Variants in KCNT2 observed in about 807,000 individuals in gnomAD.
KCNT2 encodes potassium sodium-activated channel subfamily T member 2.
In KCNT2, 67 loss-of-function variants were observed where a neutral mutation model predicts 153.8. That is an observed-to-expected ratio of 0.44 (90% CI 0.36 to 0.53). The LOEUF is 0.53. Among genes scored for constraint, KCNT2 ranks in the 20% least tolerant of loss-of-function variants. The pLI, the probability that KCNT2 is intolerant of heterozygous loss-of-function variation, is 0.00. For synonymous variants in KCNT2, 500 were observed against 458.8 expected (o/e 1.09, Z -1.15); for missense variants, 975 against 1,354.8 (o/e 0.72, Z 4.40).
chr1:196,446,265 T>A (rs1290234751), intron 8 of KCNT2, among the ~76,000 whole-genome samples: 1 of 151,470 alleles, frequency 6.6e-6, no homozygotes, highest in African/African-American at 2.4e-5. Context: ...AAATATACTA[T>A]TCTCTATACT....
At chr1:196,512,225 C>T (rs1042244747) in intron 1 of KCNT2, among the ~76,000 whole-genome samples, 7 of 152,182 alleles carry the variant, frequency 4.6e-5, no homozygotes, top group Non-Finnish European at 8.8e-5. Flanking sequence ...CCAGGGTACT[C>T]CTTCTGAGTA....
At chr1:196,508,508 A>T (rs1681344232) in intron 1 of KCNT2, among the ~76,000 whole-genome samples, 3 of 152,196 alleles carry the variant, frequency 2.0e-5, no homozygotes, top group Non-Finnish European at 4.4e-5. Flanking sequence ...GAAGTCTTAA[A>T]GAAAGTGAAA....
intron 8 of KCNT2, among the ~76,000 whole-genome samples, chr1:196,435,715 T>G (rs144622889): frequency 8.6e-5 from 13 of 151,908 alleles, no homozygotes; most frequent in African/African-American, 2.9e-4. Flanking sequence ...TACTAAAGCA[T>G]TCGGACAACT....
intron 1 of KCNT2, among the ~76,000 whole-genome samples, chr1:196,530,471 A>G (rs1654795026): frequency 1.3e-5 from 2 of 152,000 alleles, no homozygotes; most frequent in African/African-American, 4.8e-5. Context: ...CTATTCATAA[A>G]GTACTATTAA....
chr1:196,564,521 A>G (rs1659840159), intron 1 of KCNT2, among the ~76,000 whole-genome samples: 1 of 151,930 alleles, frequency 6.6e-6, no homozygotes, highest in Middle Eastern at 3.2e-3. Context: ...ATGAAGCCAC[A>G]AAAGACCACA....
chr1:196,577,533 C>T (rs1661509272), intron 1 of KCNT2, among the ~76,000 whole-genome samples: 1 of 152,164 alleles, frequency 6.6e-6, no homozygotes, highest in African/African-American at 2.4e-5. Flanking sequence ...TAGATATTCT[C>T]CCTTAAGCAC....
intron 8 of KCNT2, among the ~76,000 whole-genome samples, chr1:196,436,505 C>T (rs1035171920): frequency 5.9e-5 from 9 of 151,384 alleles, no homozygotes; most frequent in African/African-American, 1.9e-4. Flanking sequence ...TACACAAATA[C>T]ATATTAGTTA....
intron 23 of KCNT2, among the ~76,000 whole-genome samples, chr1:196,285,422 C>T (rs1326255373): frequency 1.3e-5 from 2 of 151,956 alleles, no homozygotes; most frequent in African/African-American, 2.4e-5. Flanking sequence ...GGCACTGGTA[C>T]AAAAGAATGC....
chr1:196,458,039 C>G (rs1366839418), intron 8 of KCNT2, among the ~76,000 whole-genome samples: 1 of 151,882 alleles, frequency 6.6e-6, no homozygotes, highest in Non-Finnish European at 1.5e-5. Flanking sequence ...ATGAGACATA[C>G]AATTTTACAT....
At chr1:196,531,174 C>T (rs1378490204) in intron 1 of KCNT2, among the ~76,000 whole-genome samples, 1 of 152,092 alleles carries the variant, frequency 6.6e-6, no homozygotes, top group Non-Finnish European at 1.5e-5. Context: ...TTGCCATCTA[C>T]AGCTTTGGAG....
In KCNT2 at chr1:196,411,600, TAA is replaced by T. The variant is rs1195133931; in HGVS notation, c.1185+11448_1185+11449del. On this transcript the variant is annotated intron_variant, in intron 12 of 27. Transcript: ENST00000294725. ...TGTACCAGTCTTTCACCTCCTTGAT[TAA>T]GTTTAATTCTAAGTATTTTATTCTT... 2.0e-5 allele frequency among the ~76,000 whole-genome samples: 3 copies of T among 151,742 alleles called. No individual in the cohort carries two copies. In the East Asian group the frequency reaches 5.8e-4, roughly 29 times the overall value.
At chr1:196,541,155 A>C (rs1476012369) in intron 1 of KCNT2, among the ~76,000 whole-genome samples, 1 of 151,644 alleles carries the variant, frequency 6.6e-6, no homozygotes, top group East Asian at 1.9e-4. Flanking sequence ...AAAAGCATCT[A>C]ATATCTAATT....
intron 23 of KCNT2, among the ~76,000 whole-genome samples, chr1:196,283,442 C>A (rs1462740622): frequency 6.6e-6 from 1 of 151,622 alleles, no homozygotes; most frequent in Admixed American, 6.6e-5. Context: ...CTCAAAACAA[C>A]AAACAAACAA....
intron 16 of KCNT2, among the ~76,000 whole-genome samples, chr1:196,339,520 C>CAGAG (rs5779831): frequency 0.011 from 1,577 of 137,960 alleles, 39 homozygotes; most frequent in African/African-American, 0.043. Context: ...CACACACACA[C>CAGAG]AGAGAGAGAG....
intron 22 of KCNT2, among the ~76,000 whole-genome samples, chr1:196,301,521 C>G (rs1661183663): frequency 6.6e-6 from 1 of 152,030 alleles, no homozygotes; most frequent in Non-Finnish European, 1.5e-5. Context: ...CTTCTGATAC[C>G]AGTGGAAACC....
chr1:196,556,734 T>G (rs1391261761), intron 1 of KCNT2, among the ~76,000 whole-genome samples: 3 of 151,470 alleles, frequency 2.0e-5, no homozygotes, highest in Admixed American at 1.3e-4. Flanking sequence ...AACATAAGTG[T>G]CCGTCGACAG....
At chr1:196,593,637 T>C (rs1663688965) in intron 1 of KCNT2, among the ~76,000 whole-genome samples, 1 of 151,920 alleles carries the variant, frequency 6.6e-6, no homozygotes, top group Non-Finnish European at 1.5e-5. Context: ...TGCATGCCTG[T>C]ATCCAAACAT....
chr1:196,530,720 C>A (rs1654825827), intron 1 of KCNT2, among the ~76,000 whole-genome samples: 2 of 151,970 alleles, frequency 1.3e-5, no homozygotes. Flanking sequence ...AAATACAGTG[C>A]TAACAAAATA....
At chr1:196,319,766 A>G (rs567134362) in intron 19 of KCNT2, among the ~76,000 whole-genome samples, 1 of 151,984 alleles carries the variant, frequency 6.6e-6, no homozygotes, top group East Asian at 1.9e-4. Context: ...TATAAAAACA[A>G]GTTGTATTTC....
Sources: gnomAD v4.1 joint callset for allele counts (sites outside exome capture counted in the v4.1 genomes callset) on GRCh38, gnomAD v4.1.1 for gene constraint, MANE v1.5 for transcripts, NCBI Gene and HGNC (gene_info 2026-07-23, HGNC 2026-07-21) for gene names.